BECN2: variants seen among roughly 807,000 people sequenced by gnomAD.
BECN2 encodes beclin-2.
For missense variants in BECN2, 428 were observed against 507.9 expected (o/e 0.84, Z 1.51); for synonymous variants, 173 against 220.1 (o/e 0.79, Z 1.90).
Position 241,958,994 on chromosome 1 carries a change from G to A in BECN2, c.1228G>A (p.Ala410Thr). Residue 410 changes from alanine to threonine, a missense_variant, in exon 1 of 1, where the codon GCA (alanine) becomes ACA (threonine). Physicochemically the swap from Ala to Thr is moderately conservative, Grantham distance 58 (BLOSUM62 0). Transcript: ENST00000419583. ...GAACACGCAGGAGCTGTGGACAAAG[G>A]CACTCAAGTTCATGCTTATAAATTT... ...HLNTQELWTK[A>T]LKFMLINFKW... 8.1e-7 allele frequency: 1 copy of A among 1,231,748 alleles called. No individual in the cohort carries two copies. The highest frequency in any genetic ancestry group is 1.0e-6 in the Non-Finnish European group (1 of 988,006). The allele number at this position is 1,231,748 out of a possible 1,614,324, so 76.3% of individuals were successfully genotyped here.
rs1393174038 is a variant in BECN2, at chr1:241,958,663, G to A, written c.897G>A (p.Leu299=). The change falls in exon 1 of 1, where the codon CTG becomes CTA. Residue 299 remains leucine (L), a synonymous_variant. Transcript: ENST00000419583. The part of the protein sequence containing the change: ...WGQAALLLLT[L]ANTIGLQFQR... Reference sequence around the variant, plus strand: ...AGGCGGCCTTGCTGCTCCTTACCCTGGCCAATACAATTGGACTGCAGTTTC... The same window carrying A: ...AGGCGGCCTTGCTGCTCCTTACCCTAGCCAATACAATTGGACTGCAGTTTC... 2.4e-6 allele frequency: 3 copies of A among 1,231,674 alleles called. No individual in the cohort carries two copies. Among genetic ancestry groups the A allele is most frequent in the South Asian group, 4.1e-5 (1 of 24,326 alleles). The allele number at this position is 1,231,674 out of a possible 1,614,324, so 76.3% of individuals were successfully genotyped here.
rs1664472646 is a variant in BECN2, at chr1:241,958,816, G to A, written c.1050G>A (p.Ala350=). The change falls in exon 1 of 1, where the codon GCG becomes GCA. Residue 350 remains alanine (A), a synonymous_variant. Transcript: ENST00000419583. The part of the protein sequence containing the change: ...DVFLNNKYDR[A]MVAFLDCMQQ... ...TCCTCAATAACAAGTATGACCGCGC[G>A]ATGGTGGCCTTCCTGGACTGCATGC... 6 of 1,231,792 alleles carry A rather than the reference G, an allele frequency of 4.9e-6. No homozygotes were observed. The highest frequency in any genetic ancestry group is 1.6e-5 in the African/African-American group (1 of 64,420). 76.3% of individuals were successfully genotyped at this position (1,231,792 alleles called of 1,614,324 possible). A position where few individuals can be genotyped will look rare whatever the true frequency, so the allele number is the denominator to read the frequency against.
At position 241,958,417 on chromosome 1, in the gene BECN2, C is replaced by T; in HGVS notation, c.651C>T (p.Ala217=). The T allele has an allele frequency of 1.6e-6, 2 of 1,231,930 alleles. No individual in the cohort carries two copies. Among genetic ancestry groups the T allele is most frequent in the South Asian group, 4.1e-5 (1 of 24,314 alleles). 76.3% of individuals were successfully genotyped at this position (1,231,930 alleles called of 1,614,324 possible). ...GGCAGCACTACAGGGACTACAGTGC[C>T]TTGAAGCGGCAGCAGCTGGAACTGC... ...QERQHYRDYS[A]LKRQQLELLD... The change falls in exon 1 of 1, where the codon GCC becomes GCT. Residue 217 remains alanine, a synonymous_variant. Transcript: ENST00000419583.
Position 241,959,045 on chromosome 1 carries a change from T to C in BECN2, c.1279T>C (p.Ser427Pro). ...NFKWSLIWVA[S>P]RYQK ...CAAGTGGAGTCTCATCTGGGTTGCC[T>C]CAAGGTATCAAAAGTAGCTTTCTTG... Residue 427 changes from serine to proline, a missense_variant, in exon 1 of 1, where the codon TCA becomes CCA. Coordinates refer to ENST00000419583, the MANE Select transcript of BECN2 (RefSeq NM_001290693.1). 8.1e-7 allele frequency: 1 copy of C among 1,231,816 alleles called. No individual in the cohort carries two copies. Among genetic ancestry groups the C allele is most frequent in the Non-Finnish European group, 1.0e-6 (1 of 988,070 alleles). The allele number at this position is 1,231,816 out of a possible 1,614,324, so 76.3% of individuals were successfully genotyped here.
At chr1:241,957,803 C>T in the BECN2 span, 2 of 1,231,818 alleles carry the variant, frequency 1.6e-6, no homozygotes, top group Non-Finnish European at 2.0e-6. Flanking sequence ...GCGCTGCCAC[C>T]AGGCCCTGAA....
Position 241,958,034 on chromosome 1 carries a change from A to AGGG in BECN2, c.268_269insGGG (p.Met90delinsArgVal). On this transcript the variant is annotated protein_altering_variant, in exon 1 of 1. Coordinates refer to ENST00000419583, the MANE Select transcript of BECN2 (RefSeq NM_001290693.1). Reference sequence around the variant, plus strand: ...CACCCTGCTGGGGGAGCTTGGCGCCATGCACATGCTCAGTAGCATCCAGAA... The same window carrying AGGG: ...CACCCTGCTGGGGGAGCTTGGCGCCAGGGTGCACATGCTCAGTAGCATCCAGAA... 2 of 1,232,036 alleles carry AGGG rather than the reference A, an allele frequency of 1.6e-6. No homozygotes were observed. Among genetic ancestry groups the AGGG allele is most frequent in the Non-Finnish European group, 2.0e-6 (2 of 988,188 alleles). 76.3% of individuals were successfully genotyped at this position (1,232,036 alleles called of 1,614,324 possible). A position where few individuals can be genotyped will look rare whatever the true frequency, so the allele number is the denominator to read the frequency against.
chr1:241,958,545 T>C lies in BECN2; in HGVS notation c.779T>C (p.Val260Ala), dbSNP rs988477241. The change falls in exon 1 of 1, where the codon GTG (valine) becomes GCG (alanine). Residue 260 changes from valine (V) to alanine (A), a missense_variant. Val to Ala is a moderately conservative substitution (Grantham distance 64, BLOSUM62 0). Transcript: ENST00000419583. ...TTCACCGCCACGTTTGAGATCTGGG[T>C]GGAGGGCCCCTTGGGCGTCATCAAT... is the stretch of plus-strand genomic sequence containing the variant. ...NCFTATFEIW[V>A]EGPLGVINNF... is the part of the protein sequence containing the mutation. 55 of 1,231,748 alleles carry C rather than the reference T, an allele frequency of 4.5e-5. No homozygotes were observed. In the Admixed American group the frequency reaches 2.1e-3, roughly 47 times the overall value. The allele number at this position is 1,231,748 out of a possible 1,614,324, so 76.3% of individuals were successfully genotyped here. A position where few individuals can be genotyped will look rare whatever the true frequency, so the allele number is the denominator to read the frequency against.
At position 241,958,561 on chromosome 1, in the gene BECN2, C is replaced by T. The variant is rs570610372; in HGVS notation, c.795C>T (p.Gly265=). Residue 265 remains glycine, a synonymous_variant, in exon 1 of 1, where the codon GGC becomes GGT. Transcript: ENST00000419583. ...AGATCTGGGTGGAGGGCCCCTTGGG[C>T]GTCATCAATAACTTCAGGTTGGGCC... ...TFEIWVEGPL[G]VINNFRLGRL... 3 of 1,231,628 alleles carry T rather than the reference C, an allele frequency of 2.4e-6. No homozygotes were observed. Among genetic ancestry groups the T allele is most frequent in the African/African-American group, 3.1e-5 (2 of 64,408 alleles). The allele number at this position is 1,231,628 out of a possible 1,614,324, so 76.3% of individuals were successfully genotyped here. A position where few individuals can be genotyped will look rare whatever the true frequency, so the allele number is the denominator to read the frequency against.
In BECN2 at chr1:241,958,541, T is replaced by G. The variant is rs934529027; in HGVS notation, c.775T>G (p.Trp259Gly). ...INCFTATFEIWVEGPLGVINN... is the reference protein window; with the variant it reads ...INCFTATFEIGVEGPLGVINN... Reference sequence around the variant, plus strand: ...CTGTTTCACCGCCACGTTTGAGATCTGGGTGGAGGGCCCCTTGGGCGTCAT... The same window carrying G: ...CTGTTTCACCGCCACGTTTGAGATCGGGGTGGAGGGCCCCTTGGGCGTCAT... The change falls in exon 1 of 1, where the codon TGG (tryptophan) becomes GGG (glycine). Residue 259 changes from tryptophan (W) to glycine (G), a missense_variant. Trp to Gly is a radical substitution (Grantham distance 184). Transcript: ENST00000419583. The G allele has an allele frequency of 4.1e-6, 5 of 1,231,790 alleles. No individual in the cohort carries two copies. Among genetic ancestry groups the G allele is most frequent in the Non-Finnish European group, 4.0e-6 (4 of 988,020 alleles). The allele number at this position is 1,231,790 out of a possible 1,614,324, so 76.3% of individuals were successfully genotyped here.
At position 241,958,553 on chromosome 1, in the gene BECN2, C is replaced by G; in HGVS notation, c.787C>G (p.Pro263Ala). ...CACGTTTGAGATCTGGGTGGAGGGC[C>G]CCTTGGGCGTCATCAATAACTTCAG... ...TATFEIWVEGPLGVINNFRLG... is the reference protein window; with the variant it reads ...TATFEIWVEGALGVINNFRLG... Residue 263 changes from proline (P) to alanine (A), a missense_variant, in exon 1 of 1, where the codon CCC (proline) becomes GCC (alanine). By Grantham distance (27) the Pro-to-Ala change is conservative (BLOSUM62 -1). Coordinates refer to ENST00000419583, the MANE Select transcript of BECN2 (RefSeq NM_001290693.1). 1 of 1,231,748 alleles carries G rather than the reference C, an allele frequency of 8.1e-7. No individual in the cohort carries two copies. Among genetic ancestry groups the G allele is most frequent in the Non-Finnish European group, 1.0e-6 (1 of 988,026 alleles). 76.3% of individuals were successfully genotyped at this position (1,231,748 alleles called of 1,614,324 possible).
Position 241,958,321 on chromosome 1 carries a change from G to C in BECN2, c.555G>C (p.Arg185Ser), listed in dbSNP as rs752155053. 1.2e-4 allele frequency: 153 copies of C among 1,233,944 alleles called. No individual in the cohort carries two copies. Among genetic ancestry groups the C allele is most frequent in the Non-Finnish European group, 1.4e-4 (136 of 989,836 alleles). 76.4% of individuals were successfully genotyped at this position (1,233,944 alleles called of 1,614,324 possible). Residue 185 changes from arginine (R) to serine (S), a missense_variant, in exon 1 of 1, where the codon AGG becomes AGC. Arg to Ser is a moderately radical substitution (Grantham distance 110, BLOSUM62 -1). Transcript: ENST00000419583. ...TGCAGGAGCTGGAGGATGTGGACAG[G>C]AACAATGCAAGAGCAGCGGCGGATC... is the stretch of plus-strand genomic sequence containing the variant. ...RLVQELEDVD[R>S]NNARAAADLQ...
Position 241,957,877 on chromosome 1 carries a change from TGAGCCCGGAGACACCCGG to T in BECN2, c.120_137del (p.Asp41_Gly46del), listed in dbSNP as rs757096442. On this transcript the variant is annotated inframe_deletion, in exon 1 of 1. Transcript: ENST00000419583. ...CCCCGGCGCCCACCTCTGGGCAGGC[TGAGCCCGGAGACACCCGG>T]GAGCCCGGCGTCACCACCAGGGAGG... 1.6e-6 allele frequency: 2 copies of T among 1,231,394 alleles called. No individual in the cohort carries two copies. The highest frequency in any genetic ancestry group is 2.0e-6 in the Non-Finnish European group (2 of 988,014). The allele number at this position is 1,231,394 out of a possible 1,614,324, so 76.3% of individuals were successfully genotyped here.
chr1:241,958,638 A>G lies in BECN2; in HGVS notation c.872A>G (p.Gln291Arg). Residue 291 changes from glutamine (Q) to arginine (R), a missense_variant, in exon 1 of 1, where the codon CAG (glutamine) becomes CGG (arginine). By Grantham distance (43) the Gln-to-Arg change is conservative (BLOSUM62 1). Transcript: ENST00000419583. ...AATGAGATTAACACTGCCTGGGGACAGGCGGCCTTGCTGCTCCTTACCCTG... is the reference window on the plus strand; with the variant it reads ...AATGAGATTAACACTGCCTGGGGACGGGCGGCCTTGCTGCTCCTTACCCTG... ...GWNEINTAWGQAALLLLTLAN... is the reference protein window; with the variant it reads ...GWNEINTAWGRAALLLLTLAN... 8.1e-7 allele frequency: 1 copy of G among 1,231,814 alleles called. No homozygotes were observed. Among genetic ancestry groups the G allele is most frequent in the Non-Finnish European group, 1.0e-6 (1 of 988,022 alleles). The allele number at this position is 1,231,814 out of a possible 1,614,324, so 76.3% of individuals were successfully genotyped here.
rs1664453530 is a variant in BECN2, at chr1:241,957,964, C to G, written c.198C>G (p.Ser66=). Residue 66 remains serine (S), a synonymous_variant, in exon 1 of 1, where the codon TCC becomes TCG. Coordinates refer to ENST00000419583, the MANE Select transcript of BECN2 (RefSeq NM_001290693.1). ...EEQQDGASSR[S]PPGDGSVSKG... is the part of the protein sequence containing the mutation. Reference sequence around the variant, plus strand: ...AACAGGACGGTGCCTCTAGCAGATCCCCTCCAGGCGATGGCAGTGTGTCCA... The same window carrying G: ...AACAGGACGGTGCCTCTAGCAGATCGCCTCCAGGCGATGGCAGTGTGTCCA... 1.1e-5 allele frequency: 14 copies of G among 1,231,840 alleles called. No individual in the cohort carries two copies. The highest frequency in any genetic ancestry group is 1.4e-5 in the Non-Finnish European group (14 of 988,044). 76.3% of individuals were successfully genotyped at this position (1,231,840 alleles called of 1,614,324 possible). A position where few individuals can be genotyped will look rare whatever the true frequency, so the allele number is the denominator to read the frequency against.
Position 241,958,165 on chromosome 1 carries a change from C to T in BECN2, c.399C>T (p.Leu133=). 8.9e-6 allele frequency: 11 copies of T among 1,232,076 alleles called. No individual in the cohort carries two copies. The highest frequency in any genetic ancestry group is 1.1e-5 in the Non-Finnish European group (11 of 988,178). 76.3% of individuals were successfully genotyped at this position (1,232,076 alleles called of 1,614,324 possible). ...TTTTAGAGCAGCTGGACATCCAGCT[C>T]GCTCTCACAGAAGCTGACAGTCAGA... The part of the protein sequence containing the change: ...DSLLEQLDIQ[L]ALTEADSQNY... Residue 133 remains leucine (L), a synonymous_variant, in exon 1 of 1, where the codon CTC becomes CTT. Coordinates refer to ENST00000419583, the MANE Select transcript of BECN2 (RefSeq NM_001290693.1).
In BECN2 at chr1:241,957,833, T is replaced by C. The variant is rs1180472108; in HGVS notation, c.67T>C (p.Ser23Pro). ...QALKLSGSSE[S>P]RSLPAAPAPT... ...CCTGAAGCTGAGCGGCTCCTCGGAG[T>C]CTAGGAGCCTCCCTGCAGCCCCGGC... The change falls in exon 1 of 1, where the codon TCT becomes CCT. Residue 23 changes from serine (S) to proline (P), a missense_variant. By Grantham distance (74) the Ser-to-Pro change is moderately conservative. Transcript: ENST00000419583. 8.1e-7 allele frequency: 1 copy of C among 1,231,448 alleles called. No homozygotes were observed. The highest frequency in any genetic ancestry group is 1.0e-6 in the Non-Finnish European group (1 of 987,986). 76.3% of individuals were successfully genotyped at this position (1,231,448 alleles called of 1,614,324 possible). A position where few individuals can be genotyped will look rare whatever the true frequency, so the allele number is the denominator to read the frequency against.
At position 241,958,797 on chromosome 1, in the gene BECN2, A is replaced by C. The variant is rs1056577028; in HGVS notation, c.1031A>C (p.Asn344Thr). 1.9e-4 allele frequency: 238 copies of C among 1,231,748 alleles called. No homozygotes were observed. The highest frequency in any genetic ancestry group is 2.3e-4 in the Non-Finnish European group (230 of 988,090). 76.3% of individuals were successfully genotyped at this position (1,231,748 alleles called of 1,614,324 possible). A position where few individuals can be genotyped will look rare whatever the true frequency, so the allele number is the denominator to read the frequency against. ...FCYGGQDVFL[N>T]NKYDRAMVAF... ...TATGGGGGGCAGGATGTTTTCCTCA[A>C]TAACAAGTATGACCGCGCGATGGTG... Residue 344 changes from asparagine to threonine, a missense_variant, in exon 1 of 1, where the codon AAT becomes ACT. Asn to Thr is a moderately conservative substitution (Grantham distance 65). Coordinates refer to ENST00000419583, the MANE Select transcript of BECN2 (RefSeq NM_001290693.1).
rs1664473796 is a variant in BECN2, at chr1:241,958,908, AGACAGG to A, written c.1143_1148del (p.Glu381_Gly383delinsAsp). 1 of 1,231,798 alleles carries A rather than the reference AGACAGG, an allele frequency of 8.1e-7. No individual in the cohort carries two copies. 76.3% of individuals were successfully genotyped at this position (1,231,798 alleles called of 1,614,324 possible). A position where few individuals can be genotyped will look rare whatever the true frequency, so the allele number is the denominator to read the frequency against. ...TCTCTGCCCTACGGGATCCAGGTGG[AGACAGG>A]CCTGATGGAGGACGTTGGCGGCCGA... On this transcript the variant is annotated inframe_deletion, in exon 1 of 1. Transcript: ENST00000419583.
chr1:241,958,127 T>C lies in BECN2; in HGVS notation c.361T>C (p.Cys121Arg), dbSNP rs750583860. 6 of 1,232,022 alleles carry C rather than the reference T, an allele frequency of 4.9e-6. No homozygotes were observed. Among genetic ancestry groups the C allele is most frequent in the Non-Finnish European group, 6.1e-6 (6 of 988,138 alleles). 76.3% of individuals were successfully genotyped at this position (1,232,022 alleles called of 1,614,324 possible). ...AVVDHPLCEECTDSLLEQLDI... is the reference protein window; with the variant it reads ...AVVDHPLCEERTDSLLEQLDI... ...TGTGGACCATCCCCTGTGTGAAGAA[T>C]GCACCGACAGTCTTTTAGAGCAGCT... Residue 121 changes from cysteine to arginine, a missense_variant, in exon 1 of 1, where the codon TGC becomes CGC. Transcript: ENST00000419583.
Sources: gnomAD v4.1 joint callset for allele counts on GRCh38, gnomAD v4.1.1 for gene constraint, MANE v1.5 for transcripts, NCBI Gene and HGNC (gene_info 2026-07-23, HGNC 2026-07-21) for gene names.